Variants in SNX21 observed in about 807,000 individuals in gnomAD.
SNX21 encodes the protein sorting nexin family member 21, also known as sorting nexin-21.
A neutral mutation model predicts 30.9 loss-of-function variants in SNX21; 36 were observed. The observed-to-expected ratio is 1.16, with a 90% CI of 0.89 to 1.54. SNX21 has a LOEUF of 1.54. Among genes scored for constraint, SNX21 ranks in the 40% most tolerant of loss-of-function variants. The pLI is 0.00. For missense variants in SNX21, 508 were observed against 516.5 expected (o/e 0.98, Z 0.16); for synonymous variants, 218 against 222.7 (o/e 0.98, Z 0.19).
In SNX21 at chr20:45,834,418, C is replaced by T. The variant is rs1191253073; in HGVS notation, c.239C>T (p.Ala80Val). 1 of 1,606,344 alleles carries T rather than the reference C, an allele frequency of 6.2e-7. No individual in the cohort carries two copies. The highest frequency in any genetic ancestry group is 1.7e-5 in the Admixed American group (1 of 59,606). The change falls in exon 2 of 4, where the codon GCT (alanine) becomes GTT (valine). Residue 80 changes from alanine (A) to valine (V), a missense_variant. Ala to Val is a moderately conservative substitution (Grantham distance 64). Transcript: ENST00000491381. ...GACGAGGACGAGGACGACGAGGAGG[C>T]TGGCCCTGACCAGCTGCCCCTCGGG... The part of the protein sequence containing the change: ...EDDEDEDDEE[A>V]GPDQLPLGDG...
rs755916277 is a variant in SNX21, at chr20:45,841,183, G to A, written c.992G>A (p.Arg331Gln). ...LLAPFLEAHVRLSWRLGLDKR... is the reference protein window; with the variant it reads ...LLAPFLEAHVQLSWRLGLDKR... ...GCACCCTTTCTGGAGGCCCATGTCC[G>A]GCTCTCCTGGCGCCTGGGCCTGGAC... The change falls in exon 4 of 4, where the codon CGG becomes CAG. Residue 331 changes from arginine (R) to glutamine (Q), a missense_variant. Transcript: ENST00000491381. The A allele has an allele frequency of 5.0e-5, 81 of 1,613,912 alleles. 2 individuals carry two copies. The South Asian group carries it at 7.4e-4, about 15-fold the overall frequency.
In SNX21 at chr20:45,840,795, C is replaced by G; in HGVS notation, c.604C>G (p.Arg202Gly). 1 of 1,614,006 alleles carries G rather than the reference C, an allele frequency of 6.2e-7. No individual in the cohort carries two copies. Among genetic ancestry groups the G allele is most frequent in the Non-Finnish European group, 8.5e-7 (1 of 1,180,052 alleles). The part of the protein sequence containing the change: ...AISFPRKRLR[R>G]NFTAETIARR... ...CTCCTTCCCCCGTAAGCGGCTGCGCCGGAATTTTACTGCAGAGACCATTGC... is the reference window on the plus strand; with the variant it reads ...CTCCTTCCCCCGTAAGCGGCTGCGCGGGAATTTTACTGCAGAGACCATTGC... The change falls in exon 4 of 4, where the codon CGG (arginine) becomes GGG (glycine). Residue 202 changes from arginine to glycine, a missense_variant. Transcript: ENST00000491381.
chr20:45,840,528 G>A (rs914168881), intron 3 of SNX21, 111 bp from the exon 4 acceptor site: 4 of 1,612,782 alleles, frequency 2.5e-6, no homozygotes, highest in Non-Finnish European at 3.4e-6. Flanking sequence ...TCCCAGGGGT[G>A]AAAGGAAGAG....
rs373919840 is a variant in SNX21 at position 45,841,028 on chromosome 20, A to G, written c.837A>G (p.Pro279=). The change falls in exon 4 of 4, where the codon CCA becomes CCG. Residue 279 remains proline (P), a synonymous_variant. Transcript: ENST00000491381. ...CCCAGCTGGGCACCCCCTCTGGCCC[A>G]GACCGCCCCCTGCTGACCCTGGCTG... ...LQAQLGTPSG[P]DRPLLTLAGL... is the part of the protein sequence containing the mutation. 479 of 1,609,722 alleles carry G rather than the reference A, an allele frequency of 3.0e-4. No homozygotes were observed. Among genetic ancestry groups the G allele is most frequent in the Middle Eastern group, 3.4e-4 (2 of 5,930 alleles).
In SNX21 at chr20:45,840,852, G is replaced by T. The variant is rs752448251; in HGVS notation, c.661G>T (p.Gly221Cys). The change falls in exon 4 of 4, where the codon GGT (glycine) becomes TGT (cysteine). Residue 221 changes from glycine (G) to cysteine (C), a missense_variant. Coordinates refer to ENST00000491381, the MANE Select transcript of SNX21 (RefSeq NM_033421.4). ...TAGCCGGGCCTTTGAGCAGTTTTTG[G>T]GTCACCTGCAGGCAGTGCCTGAGCT... ...RRSRAFEQFLGHLQAVPELRH... is the reference protein window; with the variant it reads ...RRSRAFEQFLCHLQAVPELRH... 8.7e-6 allele frequency: 14 copies of T among 1,613,730 alleles called. No individual in the cohort carries two copies. In the East Asian group the frequency reaches 2.9e-4, roughly 33 times the overall value.
At position 45,834,137 on chromosome 20, in the gene SNX21, C is replaced by T. The variant is rs556958523; in HGVS notation, c.22-64C>T. 18 of 1,427,428 alleles carry T rather than the reference C, an allele frequency of 1.3e-5. No homozygotes were observed. The African/African-American group carries it at 2.4e-4, about 19-fold the overall frequency. The allele number at this position is 1,427,428 out of a possible 1,614,324, so 88.4% of individuals were successfully genotyped here. On this transcript the variant is annotated intron_variant, in intron 1 of 3. Coordinates refer to ENST00000491381, the MANE Select transcript of SNX21 (RefSeq NM_033421.4). The stretch of plus-strand genomic sequence containing the variant: ...CGGTTCGGGCCCCGCCCCTCCTCCT[C>T]CTGCGCCGGGCTGGGGTACCCCTCC...
rs200969546 is a variant in SNX21 at position 45,840,721 on chromosome 20, G to A, written c.530G>A (p.Arg177Gln). The A allele has an allele frequency of 4.1e-5, 66 of 1,614,184 alleles. No individual in the cohort carries two copies. In the East Asian group the frequency reaches 7.1e-4, roughly 17 times the overall value. The part of the protein sequence containing the change: ...QISRRYSDFE[R>Q]LHRNLQRQFR... Reference sequence around the variant, plus strand: ...TCTCGCCGTTACTCGGACTTTGAGCGGCTGCACCGAAACCTGCAGCGGCAA... The same window carrying A: ...TCTCGCCGTTACTCGGACTTTGAGCAGCTGCACCGAAACCTGCAGCGGCAA... Residue 177 changes from arginine (R) to glutamine (Q), a missense_variant, in exon 4 of 4, where the codon CGG becomes CAG. Physicochemically the swap from Arg to Gln is conservative, Grantham distance 43. Coordinates refer to ENST00000491381, the MANE Select transcript of SNX21 (RefSeq NM_033421.4).
In SNX21 at chr20:45,842,523, A is replaced by G; in HGVS notation, c.*1210A>G. On this transcript the variant is annotated 3_prime_UTR_variant, in exon 4 of 4. Transcript: ENST00000491381. ...CCACCAAGGGGAAGAAAGGACTCAG[A>G]AGAGAGGACTTGAGGCCATGAGGTC... 9.9e-7 allele frequency: 1 copy of G among 1,013,538 alleles called. No homozygotes were observed. Among genetic ancestry groups the G allele is most frequent in the African/African-American group, 1.7e-5 (1 of 57,832 alleles). The allele number at this position is 1,013,538 out of a possible 1,614,324, so 62.8% of individuals were successfully genotyped here.
At chr20:45,840,550 C>G (rs1486234609) in intron 3 of SNX21, 89 bp from the exon 4 acceptor site, 2 of 1,613,354 alleles carry the variant, frequency 1.2e-6, no homozygotes, top group Non-Finnish European at 1.7e-6. Context: ...TGGGGAGGTA[C>G]AGCTGGGAGT....
intron 3 of SNX21, among the ~76,000 whole-genome samples, chr20:45,838,912 GA>G (rs1983769737): frequency 8.8e-6 from 1 of 114,120 alleles, no homozygotes; most frequent in African/African-American, 3.3e-5. Flanking sequence ...TTTTTTTTTT[GA>G]GAGAGAGTTT....
intron 3 of SNX21, among the ~76,000 whole-genome samples, chr20:45,839,042 T>C (rs932505848): frequency 6.6e-6 from 1 of 151,910 alleles, no homozygotes; most frequent in Non-Finnish European, 1.5e-5. Context: ...TACAGGCATG[T>C]GCCACCACGC....
intron 3 of SNX21, among the ~76,000 whole-genome samples, chr20:45,839,731 T>C (rs531125675): frequency 5.0e-5 from 7 of 139,912 alleles, no homozygotes; most frequent in Non-Finnish European, 9.3e-5. Context: ...CTCATCTCCA[T>C]ACAAAAAAAA....
Position 45,843,092 on chromosome 20 carries a change from A to G in SNX21, c.*1779A>G, listed in dbSNP as rs1984367427. 1 of 1,118,116 alleles carries G rather than the reference A, an allele frequency of 8.9e-7. No homozygotes were observed. 69.3% of individuals were successfully genotyped at this position (1,118,116 alleles called of 1,614,324 possible). ...GTTTCCTGGACCTTATCCAAGACCT[A>G]CTGAGTGAGAATCTTGAGGGTGGAA... On this transcript the variant is annotated 3_prime_UTR_variant, in exon 4 of 4. Coordinates refer to ENST00000491381, the MANE Select transcript of SNX21 (RefSeq NM_033421.4).
intron 3 of SNX21, among the ~76,000 whole-genome samples, chr20:45,835,622 AG>A (rs1475778931): frequency 2.0e-5 from 3 of 152,246 alleles, no homozygotes; most frequent in African/African-American, 7.2e-5. Flanking sequence ...AGATTACAGC[AG>A]GAGTTAAATG....
rs779486632 is a variant in SNX21 at position 45,834,971 on chromosome 20, C to G, written c.302C>G (p.Pro101Arg). The G allele has an allele frequency of 7.4e-6, 12 of 1,613,688 alleles. No individual in the cohort carries two copies. Among genetic ancestry groups the G allele is most frequent in the Non-Finnish European group, 9.3e-6 (11 of 1,179,874 alleles). The part of the protein sequence containing the change: ...TSGEDAERSP[P>R]PDGQWGSQLL... ...CATGTGTCTGCAGAACGGAGCCCCC[C>G]ACCTGATGGGCAGTGGGGCAGTCAG... Residue 101 changes from proline to arginine, a missense_variant, in exon 3 of 4, where the codon CCA becomes CGA. Coordinates refer to ENST00000491381, the MANE Select transcript of SNX21 (RefSeq NM_033421.4).
intron 2 of SNX21, 190 bp from the exon 3 acceptor site, chr20:45,834,769 T>C: frequency 1.4e-6 from 1 of 734,444 alleles, no homozygotes; most frequent in Non-Finnish European, 2.2e-6. Context: ...AGGGTGGAGC[T>C]ATTAATTTAG....
chr20:45,842,576 T>A lies in SNX21; in HGVS notation c.*1263T>A, dbSNP rs2145755315. ...GCCTCTTCCCTCCCCATCTGGAGAC[T>A]CTTTCTCCCTTGCTGGCTTTGGGCC... On this transcript the variant is annotated 3_prime_UTR_variant, in exon 4 of 4. Coordinates refer to ENST00000491381, the MANE Select transcript of SNX21 (RefSeq NM_033421.4). 1 of 995,020 alleles carries A rather than the reference T, an allele frequency of 1.0e-6. No homozygotes were observed. 61.6% of individuals were successfully genotyped at this position (995,020 alleles called of 1,614,324 possible).
In SNX21 at chr20:45,842,348, G is replaced by C. The variant is rs79106516; in HGVS notation, c.*1035G>C. 3 of 1,372,536 alleles carry C rather than the reference G, an allele frequency of 2.2e-6. No homozygotes were observed. Among genetic ancestry groups the C allele is most frequent in the African/African-American group, 1.5e-5 (1 of 68,546 alleles). 85.0% of individuals were successfully genotyped at this position (1,372,536 alleles called of 1,614,324 possible). On this transcript the variant is annotated 3_prime_UTR_variant, in exon 4 of 4. Coordinates refer to ENST00000491381, the MANE Select transcript of SNX21 (RefSeq NM_033421.4). ...CTTCCTCAAAAAGATCACAGAGGGA[G>C]GAGCTCTGAGAACAGTCTCCTTCAA...
intron 3 of SNX21, among the ~76,000 whole-genome samples, chr20:45,839,720 C>CA (rs1307324373): frequency 6.6e-6 from 1 of 151,128 alleles, no homozygotes; most frequent in South Asian, 2.1e-4. Flanking sequence ...TGAGACCCCC[C>CA]CTCATCTCCA....
Sources: allele counts gnomAD v4.1 joint callset (sites outside exome capture counted in the v4.1 genomes callset), GRCh38; gene constraint gnomAD v4.1.1; transcripts MANE v1.5; gene names NCBI Gene and HGNC (gene_info 2026-07-23, HGNC 2026-07-21).